The following KCNMA1 variants were observed in gnomAD, a reference collection of about 807,000 sequenced individuals.
KCNMA1 encodes potassium calcium-activated channel subfamily M alpha 1.
A neutral mutation model predicts 140.0 loss-of-function variants in KCNMA1; 29 were observed. The observed-to-expected ratio is 0.21, with a 90% CI of 0.15 to 0.28. The LOEUF (loss-of-function observed/expected upper bound fraction) is 0.28. Ranked by LOEUF, KCNMA1 falls within the 10% of genes least tolerant of loss-of-function variation. The pLI is 1.00. For synonymous variants in KCNMA1, 612 were observed against 611.9 expected (o/e 1.00, Z 0.00); for missense variants, 880 against 1,602.2 (o/e 0.55, Z 7.70).
chr10:77,304,392 T>G (rs2077198611), intron 2 of KCNMA1: 1 of 152,232 alleles, frequency 6.6e-6, no homozygotes, highest in Admixed American at 6.5e-5. Context: ...CATACCTCCA[T>G]AGCAGAGGGG....
rs1048493555 is a variant in KCNMA1, at chr10:77,637,686, C to T, written c.-44G>A. 81 of 1,444,062 alleles carry T rather than the reference C, an allele frequency of 5.6e-5. No homozygotes were observed. Among genetic ancestry groups the T allele is most frequent in the Non-Finnish European group, 6.9e-5 (77 of 1,111,472 alleles). 89.5% of individuals were successfully genotyped at this position (1,444,062 alleles called of 1,614,324 possible). ...GGCGCAGGGGCTCGGGGGAGCTCCT[C>T]CCGCCGCCAGCGCCACCCCAAACAC... On this transcript the variant is annotated 5_prime_UTR_variant, in exon 1 of 28. Transcript: ENST00000286628.
chr10:77,039,579 G>C lies in KCNMA1; in HGVS notation c.1808C>G (p.Thr603Arg). 6.2e-7 allele frequency: 1 copy of C among 1,612,916 alleles called. No individual in the cohort carries two copies. The highest frequency in any genetic ancestry group is 8.5e-7 in the Non-Finnish European group (1 of 1,178,912). Residue 603 changes from threonine to arginine, a missense_variant, in exon 15 of 28, where the codon ACA (threonine) becomes AGA (arginine). Physicochemically the swap from Thr to Arg is moderately conservative, Grantham distance 71. Coordinates refer to ENST00000286628, the MANE Select transcript of KCNMA1 (RefSeq NM_001161352.2). ...CACGAAGGCACTGGAGAGATATTCT[G>C]TGTACATTTCATTTGAGACTCCTTC... Reference protein sequence around the residue: ...YLEGVSNEMYTEYLSSAFVGL... With the variant: ...YLEGVSNEMYREYLSSAFVGL...
chr10:77,007,653 G>GTGTGTGTATGTATATATATATATATA lies in KCNMA1; in HGVS notation c.2092+4313_2092+4314insTATATATATATATATACATACACACA. Among the ~76,000 whole-genome samples the GTGTGTGTATGTATATATATATATATA allele has an allele frequency of 9.0e-5, 8 of 88,462 alleles. No homozygotes were observed. In the South Asian group the frequency reaches 3.2e-3, roughly 35 times the overall value. The allele number at this position is 88,462 out of a possible 152,430, so 58.0% of individuals were successfully genotyped here. On this transcript the variant is annotated intron_variant, in intron 18 of 27. Coordinates refer to ENST00000286628, the MANE Select transcript of KCNMA1 (RefSeq NM_001161352.2). ...ACATCATGGTACATATTGTGTGTGT[G>GTGTGTGTATGTATATATATATATATA]TATATATATATATATATATATATGT... is the stretch of plus-strand genomic sequence containing the variant.
chr10:77,028,141 C>T (rs1272661932), intron 15 of KCNMA1, among the ~76,000 whole-genome samples: 2 of 152,124 alleles, frequency 1.3e-5, no homozygotes, highest in Non-Finnish European at 2.9e-5. Flanking sequence ...GCTGTCTAGA[C>T]ACAGAGCCCA....
chr10:77,215,024 T>C (rs1192424174), intron 3 of KCNMA1, among the ~76,000 whole-genome samples: 1 of 152,170 alleles, frequency 6.6e-6, no homozygotes, highest in Non-Finnish European at 1.5e-5. Context: ...TACCCTGCTG[T>C]TTGACATCTT....
At chr10:77,423,957 G>A (rs1290935519) in intron 1 of KCNMA1, among the ~76,000 whole-genome samples, 2 of 152,262 alleles carry the variant, frequency 1.3e-5, no homozygotes, top group East Asian at 1.9e-4. Flanking sequence ...TTGGCCAGGC[G>A]GTGAGCTTCC....
chr10:77,378,541 G>A (rs955501418), intron 2 of KCNMA1, among the ~76,000 whole-genome samples: 15 of 152,178 alleles, frequency 9.9e-5, no homozygotes, highest in Admixed American at 2.6e-4. Flanking sequence ...GCCCTGGTTT[G>A]GGTGGGGCTC....
intron 1 of KCNMA1, among the ~76,000 whole-genome samples, chr10:77,522,346 C>A (rs903055323): frequency 6.6e-6 from 1 of 152,092 alleles, no homozygotes. Context: ...CCAGCTGACA[C>A]TCTTTTCCTT....
chr10:77,073,536 A>G (rs992969980), intron 13 of KCNMA1, among the ~76,000 whole-genome samples: 2 of 152,194 alleles, frequency 1.3e-5, no homozygotes, highest in African/African-American at 4.8e-5. Flanking sequence ...TGACAGACCC[A>G]ACAGCCTGGG....
chr10:77,015,204 C>T (rs1159668053), intron 17 of KCNMA1, among the ~76,000 whole-genome samples: 1 of 152,088 alleles, frequency 6.6e-6, no homozygotes, highest in African/African-American at 2.4e-5. Flanking sequence ...TCCTGGCCTG[C>T]GTGTCCAGTG....
Position 77,108,489 on chromosome 10 carries a change from A to G in KCNMA1, c.1215T>C (p.Ser405=). 6.2e-7 allele frequency: 1 copy of G among 1,613,138 alleles called. No individual in the cohort carries two copies. The highest frequency in any genetic ancestry group is 8.5e-7 in the Non-Finnish European group (1 of 1,179,474). ...CCTCTTGGCATACTTACTTTCTTCCACTAACCGCACTATAGGAGCCCCCGT... is the reference window on the plus strand; with the variant it reads ...CCTCTTGGCATACTTACTTTCTTCCGCTAACCGCACTATAGGAGCCCCCGT... ...KKYGGSYSAV[S]GRKHIVVCGH... is the part of the protein sequence containing the mutation. Residue 405 remains serine, a synonymous_variant, in exon 9 of 28, where the codon AGT becomes AGC. Transcript: ENST00000286628. The surrounding 1 kb of genome is among the most constrained non-coding windows in gnomAD (Gnocchi z 4.6).
intron 1 of KCNMA1, among the ~76,000 whole-genome samples, chr10:77,429,715 C>A (rs2097107816): frequency 6.6e-6 from 1 of 152,168 alleles, no homozygotes; most frequent in Non-Finnish European, 1.5e-5. Context: ...CTTTCTCAAA[C>A]AAAACCCCTT....
chr10:77,239,172 C>T (rs558649), intron 3 of KCNMA1, among the ~76,000 whole-genome samples: 52,095 of 152,072 alleles, frequency 0.34, 9,322 homozygotes, highest in East Asian at 0.56. Context: ...TCTACTCATG[C>T]TATTATGAAG....
chr10:77,268,510 G>A (rs767047896), intron 2 of KCNMA1, among the ~76,000 whole-genome samples: 1 of 152,112 alleles, frequency 6.6e-6, no homozygotes, highest in Non-Finnish European at 1.5e-5. Flanking sequence ...CTGCTCTACT[G>A]TGATTGAGTT....
chr10:77,177,673 C>T (rs2098764848), intron 5 of KCNMA1, among the ~76,000 whole-genome samples: 1 of 152,022 alleles, frequency 6.6e-6, no homozygotes, highest in Non-Finnish European at 1.5e-5. Context: ...ACATACTAGG[C>T]TTCATTCTCC....
At chr10:77,556,761 T>G (rs573756363) in intron 1 of KCNMA1, among the ~76,000 whole-genome samples, 1 of 152,226 alleles carries the variant, frequency 6.6e-6, no homozygotes, top group South Asian at 2.1e-4. Flanking sequence ...CAGGGAACCA[T>G]CTTCCCTCCG....
chr10:77,412,217 G>C (rs2096635443), intron 1 of KCNMA1, among the ~76,000 whole-genome samples: 1 of 152,212 alleles, frequency 6.6e-6, no homozygotes, highest in South Asian at 2.1e-4. Context: ...AGAGGGCTGT[G>C]AGAGAAGGAA....
intron 3 of KCNMA1, among the ~76,000 whole-genome samples, chr10:77,223,829 T>C (rs1187262418): frequency 6.6e-6 from 1 of 152,092 alleles, no homozygotes; most frequent in Admixed American, 6.6e-5. Flanking sequence ...GTGGTACTGG[T>C]TCACGCAAGG....
At chr10:77,617,398 C>G (rs779690220) in intron 1 of KCNMA1, among the ~76,000 whole-genome samples, 1 of 152,138 alleles carries the variant, frequency 6.6e-6, no homozygotes, top group African/African-American at 2.4e-5. Context: ...ATTCACCACC[C>G]CTGAATTAGG....
Sources: gnomAD v4.1 joint callset for allele counts (sites outside exome capture counted in the v4.1 genomes callset) on GRCh38, gnomAD v4.1.1 for gene constraint, Gnocchi (gnomAD v3.1) non-coding constraint, MANE v1.5 for transcripts, NCBI Gene and HGNC (gene_info 2026-07-23, HGNC 2026-07-21) for gene names.